PRKG1: variants seen among roughly 807,000 people sequenced by gnomAD.
The protein encoded by PRKG1 is cGMP-dependent protein kinase 1.
In PRKG1, 35 loss-of-function variants were observed where a neutral mutation model predicts 88.1. That is an observed-to-expected ratio of 0.40 (90% CI 0.30 to 0.53). The LOEUF is 0.53. Ranked by LOEUF, PRKG1 falls within the 20% of genes least tolerant of loss-of-function variation. The pLI is 0.59. For synonymous variants in PRKG1, 303 were observed against 292.5 expected (o/e 1.04, Z -0.37); for missense variants, 540 against 839.8 (o/e 0.64, Z 4.41).
chr10:52,262,615 A>T (rs1841458823), intron 10 of PRKG1, among the ~76,000 whole-genome samples: 1 of 152,072 alleles, frequency 6.6e-6, no homozygotes, highest in Non-Finnish European at 1.5e-5. Context: ...TTAGGATGTC[A>T]TATGGACTTG....
At chr10:52,141,534 A>G (rs1267628973) in intron 8 of PRKG1, among the ~76,000 whole-genome samples, 1 of 152,124 alleles carries the variant, frequency 6.6e-6, no homozygotes, top group African/African-American at 2.4e-5. Context: ...GACATCTAGT[A>G]TTTGGGGGTT....
intron 3 of PRKG1, among the ~76,000 whole-genome samples, chr10:51,799,369 G>A (rs549835599): frequency 6.6e-6 from 1 of 152,010 alleles, no homozygotes; most frequent in African/African-American, 2.4e-5. Context: ...CTACCCCCTA[G>A]CATCTCAGCA....
intron 3 of PRKG1, among the ~76,000 whole-genome samples, chr10:51,652,187 A>C (rs1230201435): frequency 1.3e-5 from 2 of 152,152 alleles, no homozygotes; most frequent in Non-Finnish European, 2.9e-5. Flanking sequence ...AAACTATTAT[A>C]TATATTATAC....
At chr10:51,234,074 C>T (rs1370658870) in intron 2 of PRKG1, among the ~76,000 whole-genome samples, 2 of 152,092 alleles carry the variant, frequency 1.3e-5, no homozygotes, top group East Asian at 3.9e-4. Flanking sequence ...CCAATCTGAC[C>T]TTGGAACACT....
At chr10:51,163,139 T>C (rs1846411582) in intron 2 of PRKG1, among the ~76,000 whole-genome samples, 1 of 152,166 alleles carries the variant, frequency 6.6e-6, no homozygotes, top group Non-Finnish European at 1.5e-5. Flanking sequence ...CACTCCAGTC[T>C]GGGCAACAGG....
chr10:51,902,340 TC>T (rs1841998839), intron 4 of PRKG1, among the ~76,000 whole-genome samples: 1 of 152,112 alleles, frequency 6.6e-6, no homozygotes, highest in Non-Finnish European at 1.5e-5. Flanking sequence ...GGTCTTGAAC[TC>T]CCGACCTCAG....
rs371796896 is a variant in PRKG1 at position 52,007,147 on chromosome 10, C to T, written c.763-47337C>T. 6.6e-5 allele frequency among the ~76,000 whole-genome samples: 10 copies of T among 152,220 alleles called. No individual in the cohort carries two copies. In the South Asian group the frequency reaches 1.2e-3, roughly 19 times the overall value. The stretch of plus-strand genomic sequence containing the variant: ...AGGAAGCTCTATGGAAAGGAAAGAC[C>T]GTTACCAGCAAGTACAAAAACACAC... On this transcript the variant is annotated intron_variant, in intron 5 of 17. Coordinates refer to ENST00000373980, the MANE Select transcript of PRKG1 (RefSeq NM_006258.4).
intron 4 of PRKG1, among the ~76,000 whole-genome samples, chr10:51,843,090 A>ATTTTTTTTTTTT (rs1200317452): frequency 8.5e-6 from 1 of 117,504 alleles, no homozygotes; most frequent in African/African-American, 3.2e-5. Flanking sequence ...TAGGAAAATT[A>ATTTTTTTTTTTT]TTCTTTTTTT....
chr10:51,090,130 T>C (rs1844361833), intron 1 of PRKG1, among the ~76,000 whole-genome samples: 1 of 152,210 alleles, frequency 6.6e-6, no homozygotes, highest in Non-Finnish European at 1.5e-5. Context: ...ATTTCCCTGA[T>C]TGGAGATAAT....
intron 3 of PRKG1, among the ~76,000 whole-genome samples, chr10:51,579,264 G>A (rs1026751628): frequency 3.9e-5 from 6 of 151,948 alleles, no homozygotes; most frequent in South Asian, 2.1e-4. Flanking sequence ...TTACAGGTGT[G>A]AGCCACCACA....
At chr10:51,520,285 G>T (rs1841703190) in intron 3 of PRKG1, among the ~76,000 whole-genome samples, 2 of 148,868 alleles carry the variant, frequency 1.3e-5, no homozygotes, top group Admixed American at 6.7e-5. Context: ...GCATATATAT[G>T]AAATATATAT....
At chr10:51,191,449 G>A (rs74527031) in intron 2 of PRKG1, among the ~76,000 whole-genome samples, 2,571 of 151,980 alleles carry the variant, frequency 0.017, 38 homozygotes, top group Middle Eastern at 0.051. Context: ...AATTGGAGCA[G>A]TGTCTGGCTC....
intron 3 of PRKG1, among the ~76,000 whole-genome samples, chr10:51,722,537 T>C (rs536673161): frequency 1.3e-5 from 2 of 152,260 alleles, no homozygotes; most frequent in Admixed American, 1.3e-4. Context: ...TTTATTCATC[T>C]TTTGCAATAA....
At chr10:51,295,643 C>A (rs1392592824) in intron 2 of PRKG1, among the ~76,000 whole-genome samples, 2 of 147,116 alleles carry the variant, frequency 1.4e-5, no homozygotes, top group African/African-American at 5.0e-5. Flanking sequence ...CTTTCCTTTC[C>A]TCTTCTTTTC....
chr10:52,062,987 G>A (rs1236410390), intron 7 of PRKG1: 2 of 574,364 alleles, frequency 3.5e-6, no homozygotes, highest in African/African-American at 3.8e-5. Context: ...TGAAATTTTT[G>A]AAATCCCTAA....
chr10:51,181,488 G>T (rs143545435), intron 2 of PRKG1, among the ~76,000 whole-genome samples: 13 of 151,488 alleles, frequency 8.6e-5, no homozygotes, highest in Non-Finnish European at 1.6e-4. Flanking sequence ...TGATCCACCC[G>T]CCTCGGCCTC....
chr10:51,730,922 G>A (rs1283990634), intron 3 of PRKG1, among the ~76,000 whole-genome samples: 3 of 152,168 alleles, frequency 2.0e-5, no homozygotes, highest in Admixed American at 1.3e-4. Flanking sequence ...TTGGGAGGCC[G>A]AGGCGGGTGG....
In PRKG1 at chr10:51,065,311, C is replaced by T. The variant is rs957441417; in HGVS notation, c.266+73667C>T. Among the ~76,000 whole-genome samples, 14 of 151,650 alleles carry T rather than the reference C, an allele frequency of 9.2e-5. 1 individual carries two copies. The highest frequency in any genetic ancestry group is 8.5e-4 in the Admixed American group (13 of 15,226). ...ACCTTGAAGACAACATATTATAAGC[C>T]TAAGAGTAAGAAAGAAGGTGAGATT... is the stretch of plus-strand genomic sequence containing the variant. On this transcript the variant is annotated intron_variant, in intron 1 of 17. Transcript: ENST00000401604.
At chr10:51,749,712 T>A (rs1837670987) in intron 3 of PRKG1, among the ~76,000 whole-genome samples, 1 of 152,182 alleles carries the variant, frequency 6.6e-6, no homozygotes. Flanking sequence ...TAACATCAGT[T>A]TTGACTTCTC....
Sources: allele counts gnomAD v4.1 joint callset (sites outside exome capture counted in the v4.1 genomes callset), GRCh38; gene constraint gnomAD v4.1.1; transcripts MANE v1.5; gene names NCBI Gene and HGNC (gene_info 2026-07-23, HGNC 2026-07-21).